The following NOX5 variants were observed in gnomAD, a reference collection of about 807,000 sequenced individuals.
NOX5 encodes NADPH oxidase 5.
Under a neutral mutation model 85.7 loss-of-function variants are expected in NOX5, and 76 were observed. The ratio of observed to expected loss-of-function variants is 0.89; its 90% confidence interval spans 0.74 to 1.07. NOX5 has a LOEUF of 1.07. Among genes scored for constraint, NOX5 ranks in the 50% least tolerant of loss-of-function variants. The pLI is 0.00. For missense variants in NOX5, 973 were observed against 999.5 expected (o/e 0.97, Z 0.36); for synonymous variants, 405 against 401.4 (o/e 1.01, Z -0.11).
intron 2 of NOX5, 100 bp from the exon 3 acceptor site, chr15:69,028,115 C>G (rs1488795853): frequency 7.9e-7 from 1 of 1,263,354 alleles, no homozygotes; most frequent in South Asian, 1.5e-5. Flanking sequence ...CTGTGGTGCA[C>G]CCCCCCACCA....
chr15:69,047,132 C>T (rs951995331), intron 11 of NOX5: 2 of 562,668 alleles, frequency 3.6e-6, no homozygotes, highest in Non-Finnish European at 6.2e-6. Context: ...GCTCTCCATC[C>T]CTGTCTCCTG....
intron 15 of NOX5, 77 bp downstream of exon 15, chr15:69,055,577 C>A (rs1397161256): frequency 6.6e-7 from 1 of 1,523,166 alleles, no homozygotes; most frequent in Non-Finnish European, 8.9e-7. Context: ...GGAGACGAGG[C>A]CCAAGCTGTC....
At chr15:69,048,571 A>T (rs1415351850) in intron 13 of NOX5, among the ~76,000 whole-genome samples, 1 of 151,822 alleles carries the variant, frequency 6.6e-6, no homozygotes, top group East Asian at 1.9e-4. Flanking sequence ...TAATTAAAAT[A>T]ATATAATCAA....
chr15:69,032,550 A>G (rs1352413208), intron 4 of NOX5, among the ~76,000 whole-genome samples: 1 of 151,678 alleles, frequency 6.6e-6, no homozygotes, highest in Non-Finnish European at 1.5e-5. Flanking sequence ...AGCTGGTATT[A>G]TAGGTGCCAG....
At chr15:69,042,540 G>A in intron 9 of NOX5, 123 bp from the exon 10 acceptor site, 3 of 1,020,470 alleles carry the variant, frequency 2.9e-6, no homozygotes, top group Non-Finnish European at 4.2e-6. Flanking sequence ...TCCTGAGGAA[G>A]GACATTCAAA....
chr15:69,025,570 A>G (rs557159452), intron 1 of NOX5, among the ~76,000 whole-genome samples: 1 of 152,282 alleles, frequency 6.6e-6, no homozygotes, highest in African/African-American at 2.4e-5. Context: ...GGCTGTGAGT[A>G]CTGATTCAGG....
intron 1 of NOX5, 50 bp from the exon 2 acceptor site, chr15:69,026,478 T>G (rs2050359544): frequency 6.2e-7 from 1 of 1,612,186 alleles, no homozygotes; most frequent in Non-Finnish European, 8.5e-7. Context: ...TGAGACCTCA[T>G]AAGGCTTTGG....
chr15:69,031,600 A>T lies in NOX5; in HGVS notation c.408A>T (p.Thr136=). The change falls in exon 4 of 16, where the codon ACA becomes ACT. Residue 136 remains threonine, a synonymous_variant. Coordinates refer to ENST00000388866, the MANE Select transcript of NOX5 (RefSeq NM_024505.4). ...GPHWASSPLG[T]GSGSIDPDEL... ...ACTGGGCTTCATCCCCACTCGGGAC[A>T]GGCAGTGGCTCCATTGACCCGGATG... 1.2e-6 allele frequency: 2 copies of T among 1,613,288 alleles called. No homozygotes were observed. The highest frequency in any genetic ancestry group is 1.7e-6 in the Non-Finnish European group (2 of 1,180,032).
chr15:69,047,060 C>T (rs2050682890), intron 11 of NOX5, 194 bp downstream of exon 11: 1 of 618,098 alleles, frequency 1.6e-6, no homozygotes, highest in South Asian at 2.1e-5. Context: ...GGTGCTCAGC[C>T]TCACCCTCAG....
intron 3 of NOX5, chr15:69,030,726 C>T (rs928264784): frequency 1.3e-5 from 2 of 152,182 alleles, no homozygotes; most frequent in African/African-American, 4.8e-5. Flanking sequence ...ATCACAACAC[C>T]AATGAGAATT....
chr15:69,033,153 C>T lies in NOX5; in HGVS notation c.731C>T (p.Thr244Ile), dbSNP rs1210089577. 6.3e-7 allele frequency: 1 copy of T among 1,578,222 alleles called. No homozygotes were observed. The highest frequency in any genetic ancestry group is 8.6e-7 in the Non-Finnish European group (1 of 1,168,820). ...NHRSQLFCLA[T>I]YAGLHVLLFG... Reference sequence around the variant, plus strand: ...CGCAGCCAGCTGTTCTGCCTGGCCACCTATGCAGGCCTCCACGTGCTGCTC... The same window carrying T: ...CGCAGCCAGCTGTTCTGCCTGGCCATCTATGCAGGCCTCCACGTGCTGCTC... Residue 244 changes from threonine (T) to isoleucine (I), a missense_variant, in exon 5 of 16, where the codon ACC becomes ATC. Transcript: ENST00000388866.
intron 1 of NOX5, among the ~76,000 whole-genome samples, chr15:69,024,604 G>C (rs1375463623): frequency 1.3e-5 from 2 of 152,028 alleles, no homozygotes; most frequent in African/African-American, 2.4e-5. Flanking sequence ...TTGTATTACA[G>C]TATATTGTTA....
chr15:69,045,562 T>TTCTTTCTTTCTTTCTTTCTTTC (rs2050657941), intron 10 of NOX5, among the ~76,000 whole-genome samples: 1 of 146,062 alleles, frequency 6.8e-6, no homozygotes, highest in African/African-American at 2.6e-5. Flanking sequence ...CTTTCTTTCT[T>TTCTTTCTTTCTTTCTTTCTTTC]TCTTTCTTCC....
intron 6 of NOX5, 25 bp downstream of exon 6, chr15:69,035,532 G>A: frequency 6.2e-7 from 1 of 1,612,694 alleles, no homozygotes; most frequent in Middle Eastern, 1.7e-4. Flanking sequence ...GCAGGGTTGG[G>A]TCGGGGAGAA....
intron 3 of NOX5, chr15:69,031,158 C>T (rs1484905563): frequency 3.7e-6 from 1 of 270,592 alleles, no homozygotes; most frequent in African/African-American, 2.2e-5. Context: ...CCAAGTTGAA[C>T]AACAAGGCAC....
chr15:69,049,149 T>A, intron 14 of NOX5, 91 bp downstream of exon 14: 1 of 707,184 alleles, frequency 1.4e-6, no homozygotes, highest in Non-Finnish European at 2.3e-6. Context: ...GAAACTCACG[T>A]AACCTAAAAT....
intron 5 of NOX5, among the ~76,000 whole-genome samples, chr15:69,034,691 G>T (rs553710080): frequency 6.6e-6 from 1 of 152,270 alleles, no homozygotes; most frequent in East Asian, 1.9e-4. Context: ...AACACAACAC[G>T]TGCCCATCTG....
At chr15:69,047,355 A>G in intron 11 of NOX5, 58 bp from the exon 12 acceptor site, 2 of 1,499,390 alleles carry the variant, frequency 1.3e-6, no homozygotes, top group East Asian at 2.4e-5. Context: ...ATCCCCTGGT[A>G]GCAGGGGAGA....
At chr15:69,035,222 G>T in intron 5 of NOX5, 132 bp from the exon 6 acceptor site, 1 of 930,354 alleles carries the variant, frequency 1.1e-6, no homozygotes, top group Non-Finnish European at 1.6e-6. Context: ...CAAGGCATGG[G>T]GGCAGGGGAC....
Sources: allele counts gnomAD v4.1 joint callset (sites outside exome capture counted in the v4.1 genomes callset), GRCh38; gene constraint gnomAD v4.1.1; transcripts MANE v1.5; gene names NCBI Gene and HGNC (gene_info 2026-07-23, HGNC 2026-07-21).